Variants in VRK2 observed in about 807,000 individuals in gnomAD.
VRK2 encodes serine/threonine-protein kinase VRK2.
VRK2 carries 60 observed loss-of-function variants against 57.6 expected under a neutral mutation model. The observed-to-expected ratio is 1.04, with a 90% CI of 0.85 to 1.29. The LOEUF (loss-of-function observed/expected upper bound fraction) is 1.29. Among genes scored for constraint, VRK2 ranks in the 50% most tolerant of loss-of-function variants. The pLI, the probability that VRK2 is intolerant of heterozygous loss-of-function variation, is 0.00. For missense variants in VRK2, 705 were observed against 588.1 expected (o/e 1.20, Z -2.06); for synonymous variants, 231 against 199.2 (o/e 1.16, Z -1.35).
chr2:57,964,023 C>T (rs576895280), intron 1 of VRK2, among the ~76,000 whole-genome samples: 1 of 152,210 alleles, frequency 6.6e-6, no homozygotes, highest in African/African-American at 2.4e-5. Flanking sequence ...CCTAAGCTTA[C>T]TACTATCTGA....
intron 1 of VRK2, among the ~76,000 whole-genome samples, chr2:57,924,528 G>C (rs888624669): frequency 1.3e-5 from 2 of 151,738 alleles, no homozygotes; most frequent in Non-Finnish European, 2.9e-5. Context: ...GTTCACTTTT[G>C]GCATATAGAA....
At chr2:58,156,585 TTTGTTTTGTTTTG>T (rs1288121774) in intron 12 of VRK2, among the ~76,000 whole-genome samples, 5 of 125,678 alleles carry the variant, frequency 4.0e-5, no homozygotes, top group African/African-American at 2.3e-4. Flanking sequence ...TGGTGTTTTT[TTTGTTTTGTTTTG>T]TTTTGTTTTG....
intron 2 of VRK2, among the ~76,000 whole-genome samples, chr2:58,058,155 C>T (rs893067646): frequency 6.6e-6 from 1 of 151,994 alleles, no homozygotes. Flanking sequence ...AACATTTATA[C>T]ATTTTAAAAT....
intron 2 of VRK2, among the ~76,000 whole-genome samples, chr2:58,027,229 C>T (rs543322334): frequency 6.6e-6 from 1 of 152,028 alleles, no homozygotes; most frequent in African/African-American, 2.4e-5. Context: ...CCCAGTGACT[C>T]AGCAAAATGA....
At chr2:58,110,328 A>G (rs1675374741) in intron 7 of VRK2, among the ~76,000 whole-genome samples, 1 of 152,214 alleles carries the variant, frequency 6.6e-6, no homozygotes, top group Admixed American at 6.5e-5. Flanking sequence ...TTAATAGGGC[A>G]TAATATATTC....
At chr2:57,983,241 C>G (rs746881112) in intron 1 of VRK2, among the ~76,000 whole-genome samples, 1 of 152,186 alleles carries the variant, frequency 6.6e-6, no homozygotes, top group African/African-American at 2.4e-5. Flanking sequence ...TTGGCTCTCT[C>G]TTTCCATCTT....
intron 2 of VRK2, among the ~76,000 whole-genome samples, chr2:58,029,258 T>C (rs990490008): frequency 1.3e-5 from 2 of 152,016 alleles, no homozygotes; most frequent in Admixed American, 6.6e-5. Context: ...GCATGAAGGA[T>C]CAACATAATT....
chr2:58,100,585 G>A (rs909456655), intron 7 of VRK2, among the ~76,000 whole-genome samples: 2 of 151,310 alleles, frequency 1.3e-5, no homozygotes, highest in African/African-American at 2.4e-5. Context: ...TAGTTCCTGT[G>A]ATTTTAATTA....
chr2:57,979,069 T>C (rs1672337217), intron 1 of VRK2, among the ~76,000 whole-genome samples: 1 of 151,282 alleles, frequency 6.6e-6, no homozygotes. Context: ...CTATCATTGA[T>C]GGGCATTTGG....
chr2:58,012,842 A>T (rs959232078), intron 1 of VRK2, among the ~76,000 whole-genome samples: 3 of 152,250 alleles, frequency 2.0e-5, no homozygotes, highest in Non-Finnish European at 4.4e-5. Context: ...TTTACGTATT[A>T]TATCTTAATA....
At chr2:58,120,561 A>G (rs936670659) in intron 7 of VRK2, among the ~76,000 whole-genome samples, 2 of 152,142 alleles carry the variant, frequency 1.3e-5, no homozygotes. Flanking sequence ...AGCACAACCC[A>G]GAGGCCTGTA....
intron 1 of VRK2, among the ~76,000 whole-genome samples, chr2:57,927,588 C>T (rs144342448): frequency 3.3e-5 from 5 of 152,282 alleles, no homozygotes; most frequent in South Asian, 2.1e-4. Flanking sequence ...AGTTTATGAA[C>T]CACAATTACA....
upstream of VRK2, among the ~76,000 whole-genome samples, chr2:58,045,956 A>G (rs1327748739): frequency 6.6e-6 from 1 of 151,784 alleles, no homozygotes; most frequent in Non-Finnish European, 1.5e-5. Flanking sequence ...CGCTTCTCCT[A>G]CCTCAGCCTG....
chr2:58,130,011 C>G (rs1678944031), intron 8 of VRK2, among the ~76,000 whole-genome samples: 1 of 152,130 alleles, frequency 6.6e-6, no homozygotes, highest in Admixed American at 6.5e-5. Flanking sequence ...AAAGTTAACT[C>G]TCAAAGGGCT....
At chr2:58,025,046 C>T (rs2103681578) in intron 1 of VRK2, among the ~76,000 whole-genome samples, 1 of 152,232 alleles carries the variant, frequency 6.6e-6, no homozygotes, top group East Asian at 1.9e-4. Flanking sequence ...TATGGTCATT[C>T]TTTAGTTGAG....
In VRK2 at chr2:57,932,631, A is replaced by T. The variant is rs530023004; in HGVS notation, c.-439+24792A>T. On this transcript the variant is annotated intron_variant, in intron 1 of 15. Transcript: ENST00000417641. ...GGTTATGTTGTTTCTCTTTTTTAAA[A>T]TTTTACTCTTTTAATTAATCTTTTC... Among the ~76,000 whole-genome samples the T allele has an allele frequency of 3.3e-4, 50 of 151,730 alleles. No homozygotes were observed. The South Asian group carries it at 0.01, about 31-fold the overall frequency.
intron 7 of VRK2, among the ~76,000 whole-genome samples, chr2:58,117,542 G>T (rs893366723): frequency 6.6e-6 from 1 of 152,042 alleles, no homozygotes; most frequent in Non-Finnish European, 1.5e-5. Context: ...GGGGACAGGC[G>T]GGAGGGAAAG....
chr2:57,927,004 G>GTGTT (rs1670562165), intron 1 of VRK2, among the ~76,000 whole-genome samples: 1 of 149,928 alleles, frequency 6.7e-6, no homozygotes, highest in Non-Finnish European at 1.5e-5. Flanking sequence ...TTTCTTGTGT[G>GTGTT]TGTGTGTGTG....
At chr2:57,999,682 C>A (rs1673031129) in intron 1 of VRK2, among the ~76,000 whole-genome samples, 1 of 152,082 alleles carries the variant, frequency 6.6e-6, no homozygotes. Context: ...TCAGTTGTAG[C>A]AAGCATATGT....
Sources: allele counts gnomAD v4.1 joint callset (sites outside exome capture counted in the v4.1 genomes callset), GRCh38; gene constraint gnomAD v4.1.1; transcripts MANE v1.5; gene names NCBI Gene and HGNC (gene_info 2026-07-23, HGNC 2026-07-21).